The following ATP8A2 variants were observed in gnomAD, a reference collection of about 807,000 sequenced individuals.
ATP8A2 encodes the protein ATPase phospholipid transporting 8A2.
ATP8A2 carries 100 observed loss-of-function variants against 165.6 expected under a neutral mutation model. The observed-to-expected ratio is 0.60, with a 90% CI of 0.51 to 0.71. The LOEUF is 0.71. ATP8A2 is among the 30% of genes least tolerant of loss of function. ATP8A2 has a pLI of 0.00. For synonymous variants in ATP8A2, 543 were observed against 548.8 expected, an observed-to-expected ratio of 0.99 and a Z score of 0.15; for missense variants, 1,227 against 1,479.5, an observed-to-expected ratio of 0.83 and a Z score of 2.80.
At chr13:25,962,583 G>A (rs1462752141) in intron 34 of ATP8A2, among the ~76,000 whole-genome samples, 2 of 152,230 alleles carry the variant, frequency 1.3e-5, no homozygotes, top group Non-Finnish European at 2.9e-5. Flanking sequence ...ACTGATTTTT[G>A]TTTTGGGTCG....
intron 24 of ATP8A2, among the ~76,000 whole-genome samples, chr13:25,688,853 C>A (rs1285261226): frequency 6.6e-6 from 1 of 152,048 alleles, no homozygotes; most frequent in African/African-American, 2.4e-5. Flanking sequence ...CAAATGTGAG[C>A]CTGTGCTCCC....
intron 33 of ATP8A2, among the ~76,000 whole-genome samples, chr13:25,922,144 T>G (rs576421828): frequency 2.0e-5 from 3 of 152,344 alleles, no homozygotes; most frequent in Admixed American, 2.0e-4. Flanking sequence ...ATAAAAGTTC[T>G]CCTTACCCTA....
intron 1 of ATP8A2, among the ~76,000 whole-genome samples, chr13:25,445,647 A>G (rs1395790382): frequency 6.6e-6 from 1 of 152,210 alleles, no homozygotes; most frequent in Admixed American, 6.5e-5. Context: ...TGTGAGAAAA[A>G]TACCATTTGA....
chr13:25,438,463 A>G (rs187031229), intron 1 of ATP8A2, among the ~76,000 whole-genome samples: 1 of 152,146 alleles, frequency 6.6e-6, no homozygotes, highest in Admixed American at 6.5e-5. Flanking sequence ...AGCAACAGAG[A>G]CCTGCATCTC....
At position 25,750,212 on chromosome 13, in the gene ATP8A2, A is replaced by C. The variant is rs1429001793; in HGVS notation, c.2385-18834A>C. ...CACTGGTCCAGTTCGTGTGGAAGACAGGCCGGTGTCCAGAAAGCAGCTCCT... is the reference window on the plus strand; with the variant it reads ...CACTGGTCCAGTTCGTGTGGAAGACCGGCCGGTGTCCAGAAAGCAGCTCCT... On this transcript the variant is annotated intron_variant, in intron 25 of 36. Transcript: ENST00000381655. This position sits in a 1 kb window ranked among gnomAD's most constrained non-coding sequence, Gnocchi z 4.3. Among the ~76,000 whole-genome samples, 2 of 152,184 alleles carry C rather than the reference A, an allele frequency of 1.3e-5. No homozygotes were observed. Among genetic ancestry groups the C allele is most frequent in the African/African-American group, 4.8e-5 (2 of 41,452 alleles).
intron 33 of ATP8A2, among the ~76,000 whole-genome samples, chr13:25,907,563 T>C (rs980553645): frequency 4.6e-5 from 7 of 152,102 alleles, no homozygotes; most frequent in Admixed American, 2.0e-4. Context: ...CAACAACCAT[T>C]TCGTAATATC....
chr13:25,729,643 G>T (rs77513779), intron 25 of ATP8A2, among the ~76,000 whole-genome samples: 1 of 151,962 alleles, frequency 6.6e-6, no homozygotes, highest in Non-Finnish European at 1.5e-5. Context: ...GCATGAAGTC[G>T]GTCCTGCCCT....
chr13:25,599,016 A>T (rs150910465), intron 24 of ATP8A2, among the ~76,000 whole-genome samples: 1 of 151,324 alleles, frequency 6.6e-6, no homozygotes, highest in Non-Finnish European at 1.5e-5. Flanking sequence ...TCTTCCAATC[A>T]TGCATGAGCC....
chr13:25,543,416 A>G lies in ATP8A2; in HGVS notation c.891+14A>G, dbSNP rs776132245. On this transcript the variant is annotated intron_variant, in intron 10 of 36. Transcript: ENST00000381655. ...AAACTCATGCAGGTAAAACATTTCT[A>G]TGCTGATTTCAGTCTTTTTTTTCTT... 7.0e-5 allele frequency: 106 copies of G among 1,505,034 alleles called. 1 individual carries two copies. Among genetic ancestry groups the G allele is most frequent in the Non-Finnish European group, 9.2e-5 (100 of 1,086,046 alleles). 93.2% of individuals were successfully genotyped at this position (1,505,034 alleles called of 1,614,324 possible).
At chr13:25,668,973 T>C (rs1400018046) in intron 24 of ATP8A2, among the ~76,000 whole-genome samples, 1 of 152,192 alleles carries the variant, frequency 6.6e-6, no homozygotes, top group Non-Finnish European at 1.5e-5. Flanking sequence ...TTGTCCATGT[T>C]TCCATTTCCA....
At chr13:25,385,232 CA>C (rs151221370) in intron 1 of ATP8A2, among the ~76,000 whole-genome samples, 2,341 of 152,302 alleles carry the variant, frequency 0.015, 22 homozygotes, top group Non-Finnish European at 0.024. Context: ...TGTGCTATTT[CA>C]TGTGACTTGT....
intron 3 of ATP8A2, 125 bp from the exon 4 acceptor site, chr13:25,530,437 T>C: frequency 1.5e-6 from 1 of 666,742 alleles, no homozygotes; most frequent in Non-Finnish European, 2.7e-6. Flanking sequence ...AAGGTAATTA[T>C]TTTTGAGTAA....
chr13:25,990,261 T>TAAAAAAAA (rs3056351), intron 35 of ATP8A2, among the ~76,000 whole-genome samples: 11 of 108,356 alleles, frequency 1.0e-4, no homozygotes, highest in East Asian at 2.6e-4. Flanking sequence ...CATGTAACTG[T>TAAAAAAAA]AAAAAAAAAA....
chr13:25,774,880 ATGGAGCC>A lies in ATP8A2; in HGVS notation c.2607_2613del (p.Trp870ThrfsTer4). Reference sequence around the variant, plus strand: ...TACTTAGAGAAGCTTCTGTTGGTTCATGGAGCCTGGAGCTACAACCGGGTGACCAAGT... The same window carrying A: ...TACTTAGAGAAGCTTCTGTTGGTTCATGGAGCTACAACCGGGTGACCAAGT... On this transcript the variant is annotated frameshift_variant, in exon 27 of 37. Coordinates refer to ENST00000381655, the MANE Select transcript of ATP8A2 (RefSeq NM_016529.6). LOFTEE classifies it high-confidence loss of function. 6.2e-7 allele frequency: 1 copy of A among 1,613,694 alleles called. No individual in the cohort carries two copies. Among genetic ancestry groups the A allele is most frequent in the Non-Finnish European group, 8.5e-7 (1 of 1,179,634 alleles).
chr13:25,885,643 C>T (rs139711874), intron 33 of ATP8A2, among the ~76,000 whole-genome samples: 84 of 152,274 alleles, frequency 5.5e-4, no homozygotes, highest in African/African-American at 1.9e-3. Flanking sequence ...CAGTGTCCTG[C>T]TGTTTTTCAT....
intron 24 of ATP8A2, among the ~76,000 whole-genome samples, chr13:25,688,406 A>G: frequency 8.9e-6 from 1 of 112,164 alleles, no homozygotes; most frequent in East Asian, 2.0e-4. Context: ...TGTGTGTGTC[A>G]GGGAGAAGAT....
chr13:25,879,949 T>C (rs934062122), intron 33 of ATP8A2, among the ~76,000 whole-genome samples: 16 of 152,266 alleles, frequency 1.1e-4, no homozygotes, highest in African/African-American at 3.9e-4. Flanking sequence ...AATTCAGTAA[T>C]GCACACAGAC....
chr13:25,757,356 C>T (rs1042542647), intron 25 of ATP8A2, among the ~76,000 whole-genome samples: 8 of 152,212 alleles, frequency 5.3e-5, no homozygotes, highest in African/African-American at 1.2e-4. Flanking sequence ...CTAGCATGCA[C>T]TTGCCACTGT....
intron 24 of ATP8A2, among the ~76,000 whole-genome samples, chr13:25,623,041 A>C (rs2041010963): frequency 1.3e-5 from 2 of 152,312 alleles, no homozygotes; most frequent in South Asian, 2.1e-4. Flanking sequence ...ATTTTAAAGA[A>C]TATATTCTTA....
Sources: gnomAD v4.1 joint callset for allele counts (sites outside exome capture counted in the v4.1 genomes callset) on GRCh38, gnomAD v4.1.1 for gene constraint, Gnocchi (gnomAD v3.1) non-coding constraint, MANE v1.5 for transcripts, NCBI Gene and HGNC (gene_info 2026-07-23, HGNC 2026-07-21) for gene names.